The following DNAH7 variants were observed in gnomAD, a reference collection of about 807,000 sequenced individuals.
DNAH7 encodes the protein dynein axonemal heavy chain 7, also known as axonemal beta dynein heavy chain 7.
Under a neutral mutation model 444.6 loss-of-function variants are expected in DNAH7, and 397 were observed. The ratio of observed to expected loss-of-function variants is 0.89; its 90% CI spans 0.82 to 0.97. The LOEUF is 0.97. Among genes scored for constraint, DNAH7 ranks in the 50% least tolerant of loss-of-function variants. The pLI is 0.00. For synonymous variants in DNAH7, 1,636 were observed against 1,624.4 expected (o/e 1.01, Z -0.17); for missense variants, 4,902 against 4,800.8 (o/e 1.02, Z -0.62).
chr2:195,823,029 G>T (rs144273523), intron 49 of DNAH7, among the ~76,000 whole-genome samples: 3 of 152,254 alleles, frequency 2.0e-5, no homozygotes, highest in African/African-American at 7.2e-5. Context: ...ACAGATGAGA[G>T]AATTGAGGCA....
At chr2:195,927,999 T>A (rs1688453504) in intron 21 of DNAH7, among the ~76,000 whole-genome samples, 1 of 152,152 alleles carries the variant, frequency 6.6e-6, no homozygotes, top group African/African-American at 2.4e-5. Context: ...TGTGCAGGTT[T>A]GTTACATGGG....
intron 24 of DNAH7, among the ~76,000 whole-genome samples, chr2:195,914,107 TG>T (rs1162779232): frequency 6.6e-6 from 1 of 152,250 alleles, no homozygotes; most frequent in African/African-American, 2.4e-5. Flanking sequence ...TTAATATATC[TG>T]TAGCACCTAA....
chr2:195,823,332 T>C (rs1295973371), intron 49 of DNAH7, among the ~76,000 whole-genome samples: 1 of 152,210 alleles, frequency 6.6e-6, no homozygotes, highest in African/African-American at 2.4e-5. Context: ...CCAGGACACA[T>C]TGCAGCTCCG....
chr2:195,858,435 A>C, intron 43 of DNAH7, 39 bp downstream of exon 43: 1 of 1,472,772 alleles, frequency 6.8e-7, no homozygotes, highest in Non-Finnish European at 9.1e-7. Context: ...TTGGGCTATG[A>C]TGACATGTGT....
At chr2:195,812,236 C>T (rs1038872764) in intron 51 of DNAH7, among the ~76,000 whole-genome samples, 6 of 151,978 alleles carry the variant, frequency 3.9e-5, no homozygotes, top group Admixed American at 6.6e-5. Context: ...CCCTAGCCTC[C>T]GAATTTTCAG....
Position 195,796,638 on chromosome 2 carries a change from C to T in DNAH7, c.10453G>A (p.Val3485Ile), listed in dbSNP as rs753867919. 6 of 1,612,292 alleles carry T rather than the reference C, an allele frequency of 3.7e-6. No homozygotes were observed. In the South Asian group the frequency reaches 6.6e-5, roughly 18 times the overall value. Reference sequence around the variant, plus strand: ...GCAAGGTGACAATTCTGAAGAACAACCCATGTTCCTTCCTTGACAGCTTTT... The same window carrying T: ...GCAAGGTGACAATTCTGAAGAACAATCCATGTTCCTTCCTTGACAGCTTTT... The part of the protein sequence containing the change: ...LEKAVKEGTW[V>I]VLQNCHLATS... Residue 3485 changes from valine (V) to isoleucine (I), a missense_variant, in exon 56 of 65, where the codon GTT becomes ATT. Coordinates refer to ENST00000312428, the MANE Select transcript of DNAH7 (RefSeq NM_018897.3).
chr2:195,960,600 GGC>G lies in DNAH7; in HGVS notation c.2549_2550del (p.Arg850ProfsTer20), dbSNP rs1251382316. 1.2e-6 allele frequency: 2 copies of G among 1,614,228 alleles called. No individual in the cohort carries two copies. Among genetic ancestry groups the G allele is most frequent in the Non-Finnish European group, 1.7e-6 (2 of 1,180,044 alleles). On this transcript the variant is annotated frameshift_variant, in exon 18 of 65. Transcript: ENST00000312428. LOFTEE classifies it high-confidence loss of function. ...LIQVICNPGL[R>X]PRHWEAMSAI... Reference sequence around the variant, plus strand: ...GCAGACATGGCCTCCCAGTGCCTGGGGCGCAAACCAGGATTACAGATCACTTG... The same window carrying G: ...GCAGACATGGCCTCCCAGTGCCTGGGGCAAACCAGGATTACAGATCACTTG...
intron 10 of DNAH7, among the ~76,000 whole-genome samples, chr2:196,003,597 A>G (rs556923454): frequency 6.6e-6 from 1 of 152,326 alleles, no homozygotes; most frequent in Non-Finnish European, 1.5e-5. Flanking sequence ...AGGCATTCAT[A>G]AGGAAGATAT....
chr2:195,902,391 G>GA (rs928299644), intron 27 of DNAH7: 20 of 151,538 alleles, frequency 1.3e-4, no homozygotes, highest in African/African-American at 4.6e-4. Flanking sequence ...ACACATCAGG[G>GA]AAAAAAGAGC....
At chr2:196,033,797 G>A (rs547597818) in intron 5 of DNAH7, among the ~76,000 whole-genome samples, 2 of 152,210 alleles carry the variant, frequency 1.3e-5, no homozygotes, top group South Asian at 4.1e-4. Flanking sequence ...AATCTTTTGG[G>A]TGAATACCCA....
intron 63 of DNAH7, among the ~76,000 whole-genome samples, chr2:195,752,982 G>A (rs116751719): frequency 1.8e-3 from 271 of 152,328 alleles, no homozygotes; most frequent in African/African-American, 6.3e-3. Flanking sequence ...CAGCAGCTGA[G>A]GGGGATTGTA....
intron 51 of DNAH7, among the ~76,000 whole-genome samples, chr2:195,815,025 A>G (rs1697157504): frequency 6.7e-6 from 1 of 150,178 alleles, no homozygotes; most frequent in Non-Finnish European, 1.5e-5. Context: ...TACAGGTGTG[A>G]GCCACTGTGC....
intron 63 of DNAH7, among the ~76,000 whole-genome samples, chr2:195,741,975 T>C (rs918321911): frequency 4.6e-5 from 7 of 152,236 alleles, no homozygotes; most frequent in African/African-American, 9.6e-5. Flanking sequence ...AATTTAATGA[T>C]AGAGTTGAGG....
chr2:196,000,483 C>T (rs1213750865), intron 12 of DNAH7, among the ~76,000 whole-genome samples: 2 of 152,160 alleles, frequency 1.3e-5, no homozygotes, highest in African/African-American at 4.8e-5. Flanking sequence ...ATTCCTTCTC[C>T]TCAGAAAGTT....
intron 18 of DNAH7, 58 bp downstream of exon 18, chr2:195,960,202 T>C (rs2125525811): frequency 7.2e-7 from 1 of 1,392,258 alleles, no homozygotes; most frequent in South Asian, 1.4e-5. Flanking sequence ...AACTTTACAT[T>C]AAACACAAGT....
chr2:195,872,139 A>T, intron 40 of DNAH7, 111 bp downstream of exon 40: 1 of 868,980 alleles, frequency 1.2e-6, no homozygotes, highest in Non-Finnish European at 1.7e-6. Context: ...AATGCCAAAT[A>T]ACTGAATATA....
chr2:195,839,719 G>C (rs757921001), intron 47 of DNAH7, among the ~76,000 whole-genome samples: 5 of 151,558 alleles, frequency 3.3e-5, no homozygotes, highest in Non-Finnish European at 7.4e-5. Context: ...TAAATATTAA[G>C]GAAATACTAT....
intron 42 of DNAH7, 84 bp from the exon 43 acceptor site, chr2:195,858,888 T>C: frequency 8.2e-7 from 1 of 1,215,242 alleles, no homozygotes; most frequent in South Asian, 1.5e-5. Context: ...CTGAGCTTTC[T>C]AGGCTTTTTC....
intron 25 of DNAH7, 126 bp downstream of exon 25, chr2:195,909,901 G>T: frequency 1.0e-6 from 1 of 952,594 alleles, no homozygotes; most frequent in Non-Finnish European, 1.5e-6. Flanking sequence ...TATTGAGATA[G>T]TGCTTCAATT....
Sources: allele counts gnomAD v4.1 joint callset (sites outside exome capture counted in the v4.1 genomes callset), GRCh38; gene constraint gnomAD v4.1.1; transcripts MANE v1.5; gene names NCBI Gene and HGNC (gene_info 2026-07-23, HGNC 2026-07-21).